Variants in PSD3 observed in about 807,000 individuals in gnomAD.
The protein encoded by PSD3 is PH and SEC7 domain-containing protein 3.
In PSD3, 49 loss-of-function variants were observed where a neutral mutation model predicts 105.5. The observed-to-expected ratio is 0.46, with a 90% CI of 0.37 to 0.59. The LOEUF (loss-of-function observed/expected upper bound fraction) is 0.59, where lower values mean the gene tolerates loss of function less well. Ranked by LOEUF, PSD3 falls within the 20% of genes least tolerant of loss-of-function variation. The pLI, the probability that PSD3 is intolerant of heterozygous loss-of-function variation, is 0.00. For synonymous variants in PSD3, 557 were observed against 457.8 expected, an observed-to-expected ratio of 1.22 and a Z score of -2.77; for missense variants, 1,561 against 1,263.8, an observed-to-expected ratio of 1.24 and a Z score of -3.57.
At chr8:18,538,455 TATTA>T (rs754234883) in intron 15 of PSD3, among the ~76,000 whole-genome samples, 1 of 152,202 alleles carries the variant, frequency 6.6e-6, no homozygotes, top group Non-Finnish European at 1.5e-5. Flanking sequence ...TTTATGAATT[TATTA>T]ATTAATCTAC....
At chr8:19,009,593 C>T (rs1826861702) in intron 1 of PSD3, among the ~76,000 whole-genome samples, 1 of 152,116 alleles carries the variant, frequency 6.6e-6, no homozygotes, top group Non-Finnish European at 1.5e-5. Flanking sequence ...AAGCGTTTTC[C>T]AAAAGTTAGG....
chr8:19,080,467 T>C (rs1031296681), intron 1 of PSD3, among the ~76,000 whole-genome samples: 3 of 152,102 alleles, frequency 2.0e-5, no homozygotes, highest in African/African-American at 7.2e-5. Flanking sequence ...TTTTAAGGAG[T>C]AACAGTCCAA....
chr8:18,932,339 C>G (rs1821804735), intron 2 of PSD3, among the ~76,000 whole-genome samples: 1 of 152,178 alleles, frequency 6.6e-6, no homozygotes, highest in African/African-American at 2.4e-5. Flanking sequence ...AGCTTTATGC[C>G]AGCCCACAGA....
intron 1 of PSD3, among the ~76,000 whole-genome samples, chr8:18,964,196 C>T (rs981363568): frequency 3.9e-5 from 6 of 152,154 alleles, no homozygotes; most frequent in Non-Finnish European, 5.9e-5. Context: ...GTGATCATGG[C>T]TCAATGCAGC....
chr8:18,950,941 C>T (rs1433045731), intron 1 of PSD3, among the ~76,000 whole-genome samples: 1 of 152,048 alleles, frequency 6.6e-6, no homozygotes, highest in African/African-American at 2.4e-5. Flanking sequence ...CAATGGGTTA[C>T]CTGGGGTGCT....
chr8:18,556,134 G>GA (rs1801054774), intron 15 of PSD3, 75 bp downstream of exon 15: 1 of 1,515,188 alleles, frequency 6.6e-7, no homozygotes, highest in Non-Finnish European at 8.9e-7. Flanking sequence ...ACACTGCAAA[G>GA]AAAGATACCG....
chr8:19,062,511 C>A (rs963860607), intron 1 of PSD3, among the ~76,000 whole-genome samples: 1 of 151,190 alleles, frequency 6.6e-6, no homozygotes, highest in Non-Finnish European at 1.5e-5. Flanking sequence ...CACGACAGAC[C>A]ATCTACACAA....
At chr8:18,756,853 G>A (rs1183635707) in intron 9 of PSD3, among the ~76,000 whole-genome samples, 2 of 149,070 alleles carry the variant, frequency 1.3e-5, no homozygotes, top group East Asian at 3.9e-4. Flanking sequence ...TCACCCGGAG[G>A]CGCCACCACT....
At chr8:18,760,748 T>TG (rs1806453462) in intron 9 of PSD3, among the ~76,000 whole-genome samples, 1 of 152,176 alleles carries the variant, frequency 6.6e-6, no homozygotes, top group African/African-American at 2.4e-5. Flanking sequence ...AACACTTCAC[T>TG]AGTTGGTATC....
chr8:18,747,728 T>C (rs1805144170), intron 9 of PSD3, among the ~76,000 whole-genome samples: 1 of 151,850 alleles, frequency 6.6e-6, no homozygotes, highest in Non-Finnish European at 1.5e-5. Flanking sequence ...GCCAATTAAC[T>C]ACTATATGAA....
chr8:19,044,413 C>T lies in PSD3; in HGVS notation c.324+39793G>A, dbSNP rs77414112. ...GTCAGATAGGATTCAATTCTAGGCT[C>T]TTCCTTAATTAGTCTAAATAAATCA... On this transcript the variant is annotated intron_variant, in intron 1 of 1. Coordinates refer to the PSD3 transcript ENST00000521475. Among the ~76,000 whole-genome samples, 173 of 152,300 alleles carry T rather than the reference C, an allele frequency of 1.1e-3. 2 individuals carry two copies. In the East Asian group the frequency reaches 0.027, roughly 24 times the overall value.
At chr8:18,800,756 G>A (rs1247934578) in intron 7 of PSD3, among the ~76,000 whole-genome samples, 6 of 152,112 alleles carry the variant, frequency 3.9e-5, no homozygotes, top group Non-Finnish European at 8.8e-5. Context: ...AATATCAAAC[G>A]AAAGCACCAG....
At chr8:18,954,782 C>A (rs1245871995) in intron 1 of PSD3, among the ~76,000 whole-genome samples, 1 of 152,164 alleles carries the variant, frequency 6.6e-6, no homozygotes, top group African/African-American at 2.4e-5. Context: ...GATTCTGTAT[C>A]CCTGCCAAAC....
chr8:18,686,685 C>T (rs539671572), intron 9 of PSD3, among the ~76,000 whole-genome samples: 3 of 152,210 alleles, frequency 2.0e-5, no homozygotes, highest in East Asian at 3.9e-4. Context: ...TAATCCCAAC[C>T]GCTTCTCACT....
At chr8:18,697,736 G>A (rs1014732514) in intron 9 of PSD3, among the ~76,000 whole-genome samples, 17 of 152,164 alleles carry the variant, frequency 1.1e-4, no homozygotes, top group African/African-American at 4.1e-4. Flanking sequence ...AGGGGTCCTA[G>A]ATTCCTCATC....
chr8:18,949,942 C>A (rs2129469985), intron 1 of PSD3, among the ~76,000 whole-genome samples: 1 of 152,148 alleles, frequency 6.6e-6, no homozygotes, highest in East Asian at 1.9e-4. Context: ...GCTTAATACT[C>A]CTGTCAATTA....
At chr8:18,846,765 T>G (rs1458277989) in intron 4 of PSD3, among the ~76,000 whole-genome samples, 4 of 152,130 alleles carry the variant, frequency 2.6e-5, no homozygotes, top group Non-Finnish European at 5.9e-5. Context: ...TTGCCCTCAC[T>G]TGCCACATCT....
intron 1 of PSD3, among the ~76,000 whole-genome samples, chr8:18,950,930 G>T (rs1031801329): frequency 2.0e-5 from 3 of 152,082 alleles, no homozygotes; most frequent in African/African-American, 7.2e-5. Context: ...GGGCCGAGCT[G>T]CAATGGGTTA....
At chr8:18,568,367 A>C (rs1801925803) in intron 14 of PSD3, among the ~76,000 whole-genome samples, 1 of 152,178 alleles carries the variant, frequency 6.6e-6, no homozygotes, top group African/African-American at 2.4e-5. Context: ...CAAGTGCCTT[A>C]GTCTGCTTCT....
Sources: gnomAD v4.1 joint callset for allele counts (sites outside exome capture counted in the v4.1 genomes callset) on GRCh38, gnomAD v4.1.1 for gene constraint, MANE v1.5 for transcripts, NCBI Gene and HGNC (gene_info 2026-07-23, HGNC 2026-07-21) for gene names.